The following ATG16L1 variants were observed in gnomAD, a reference collection of about 807,000 sequenced individuals.
ATG16L1 encodes the protein autophagy related 16 like 1, also known as autophagy-related protein 16-1.
Under a neutral mutation model 88.5 loss-of-function variants are expected in ATG16L1, and 37 were observed. The ratio of observed to expected loss-of-function variants is 0.42; its 90% confidence interval spans 0.32 to 0.55. The LOEUF is 0.55. Among genes scored for constraint, ATG16L1 ranks in the 20% least tolerant of loss-of-function variants. The pLI is 0.13. For missense variants in ATG16L1, 554 were observed against 752.8 expected, an observed-to-expected ratio of 0.74 and a Z score of 3.09; for synonymous variants, 301 against 281.0, an observed-to-expected ratio of 1.07 and a Z score of -0.71.
At chr2:233,274,017 A>G (rs960759541) in intron 8 of ATG16L1, 14 of 1,550,858 alleles carry the variant, frequency 9.0e-6, no homozygotes, top group Middle Eastern at 3.3e-4. Context: ...CTTTTGGGAC[A>G]TCATTCTTCT....
At chr2:233,285,048 A>AG (rs1698986954) in intron 12 of ATG16L1, among the ~76,000 whole-genome samples, 1 of 152,222 alleles carries the variant, frequency 6.6e-6, no homozygotes, top group South Asian at 2.1e-4. Context: ...ACTGCTAGAG[A>AG]GCCTGCCATG....
At chr2:233,255,402 C>T (rs1287031829) in intron 1 of ATG16L1, among the ~76,000 whole-genome samples, 1 of 152,216 alleles carries the variant, frequency 6.6e-6, no homozygotes, top group Non-Finnish European at 1.5e-5. Flanking sequence ...TGTGTTCTCT[C>T]ACACGTTAGC....
rs200153637 is a variant in ATG16L1, at chr2:233,293,252, G to A, written c.1629-4G>A. The A allele has an allele frequency of 3.2e-5, 52 of 1,613,660 alleles. 2 individuals are homozygous for A. In the Middle Eastern group the frequency reaches 6.6e-4, roughly 20 times the overall value. ...AACCTTTCTTTTCTTACTGTCTTCT[G>A]TAGCCCTGATGGCAGTTACGTGGCG... On this transcript the variant is annotated splice_polypyrimidine_tract_variant and splice_region_variant and intron_variant, in intron 16 of 17. Transcript: ENST00000392017.
intron 12 of ATG16L1, among the ~76,000 whole-genome samples, chr2:233,285,805 C>A (rs1488922339): frequency 6.6e-6 from 1 of 152,218 alleles, no homozygotes; most frequent in African/African-American, 2.4e-5. Context: ...AACTCACAGA[C>A]ATCCATGCCC....
At chr2:233,266,769 TACAC>T (rs963285331) in intron 5 of ATG16L1, among the ~76,000 whole-genome samples, 1 of 152,204 alleles carries the variant, frequency 6.6e-6, no homozygotes, top group Non-Finnish European at 1.5e-5. Flanking sequence ...AAATGTGCTG[TACAC>T]ACACACAATG....
rs531037459 is a variant in ATG16L1 at position 233,259,905 on chromosome 2, G to A, written c.210-3225G>A. ...TCTTCTTATTCCCAGACTGTGGTGA[G>A]AGCCTCATTCACTCAAAAGACTCCT... On this transcript the variant is annotated intron_variant, in intron 2 of 17. Coordinates refer to ENST00000392017, the MANE Select transcript of ATG16L1 (RefSeq NM_030803.7). Among the ~76,000 whole-genome samples, 3 of 152,266 alleles carry A rather than the reference G, an allele frequency of 2.0e-5. No homozygotes were observed. In the South Asian group the frequency reaches 6.2e-4, roughly 32 times the overall value.
chr2:233,252,593 TC>T, intron 1 of ATG16L1, among the ~76,000 whole-genome samples: 1 of 152,120 alleles, frequency 6.6e-6, no homozygotes, highest in Non-Finnish European at 1.5e-5. Context: ...TCACTGTGTT[TC>T]CCAGGCTGGT....
Position 233,251,719 on chromosome 2 carries a change from C to A in ATG16L1, c.-109C>A. ...GGGACTGCCAGTGTGTGGAGGTGAG[C>A]TCCGGGATTGCCGGCATTCCCGCTT... On this transcript the variant is annotated 5_prime_UTR_variant, in exon 1 of 18. Transcript: ENST00000392017. The A allele has an allele frequency of 2.1e-6, 2 of 974,226 alleles. No homozygotes were observed. Among genetic ancestry groups the A allele is most frequent in the Non-Finnish European group, 1.6e-6 (1 of 635,982 alleles). 60.3% of individuals were successfully genotyped at this position (974,226 alleles called of 1,614,324 possible).
At chr2:233,293,418 CAG>C (rs902154502) in intron 17 of ATG16L1, 61 bp downstream of exon 17, 71 of 1,460,482 alleles carry the variant, frequency 4.9e-5, no homozygotes, top group Non-Finnish European at 6.5e-5. Flanking sequence ...GACTTCATCT[CAG>C]GGGTCATCCG....
At chr2:233,275,095 G>C (rs920209706) in intron 9 of ATG16L1, among the ~76,000 whole-genome samples, 2 of 152,160 alleles carry the variant, frequency 1.3e-5, no homozygotes, top group Admixed American at 6.5e-5. Flanking sequence ...GTCACCAATT[G>C]GCTCCAGTTT....
chr2:233,264,995 G>A lies in ATG16L1; in HGVS notation c.493G>A (p.Glu165Lys), dbSNP rs1414319378. 2 of 1,614,086 alleles carry A rather than the reference G, an allele frequency of 1.2e-6. No homozygotes were observed. The highest frequency in any genetic ancestry group is 8.5e-7 in the Non-Finnish European group (1 of 1,180,036). Residue 165 changes from glutamate to lysine, a missense_variant, in exon 5 of 18, where the codon GAA becomes AAA. Glu to Lys is a moderately conservative substitution (Grantham distance 56). This residue lies in a region of ATG16L1 where 22 missense variants were observed against 54.5 expected (regional missense o/e 0.40). Transcript: ENST00000392017. ...LERANQTLKDEYDALQITFTA... is the reference protein window; with the variant it reads ...LERANQTLKDKYDALQITFTA... The stretch of plus-strand genomic sequence containing the variant: ...AAGAGCCAACCAGACCCTGAAGGAT[G>A]AATATGATGCCCTGCAGATCACTTT...
intron 6 of ATG16L1, among the ~76,000 whole-genome samples, chr2:233,272,506 CTGT>C (rs1209595585): frequency 6.6e-6 from 1 of 152,174 alleles, no homozygotes; most frequent in Non-Finnish European, 1.5e-5. Context: ...TCTCCCTACA[CTGT>C]TGTTTTATAT....
At chr2:233,289,707 T>A (rs1699330384) in intron 12 of ATG16L1, 147 bp from the exon 13 acceptor site, 1 of 1,065,414 alleles carries the variant, frequency 9.4e-7, no homozygotes, top group Admixed American at 2.4e-5. Flanking sequence ...CTTTTTCCTT[T>A]GCTGTCTTAT....
At chr2:233,262,459 A>C (rs1452671846) in intron 2 of ATG16L1, among the ~76,000 whole-genome samples, 1 of 151,600 alleles carries the variant, frequency 6.6e-6, no homozygotes, top group Non-Finnish European at 1.5e-5. Context: ...TCATTTCCCC[A>C]CCTCGTCCTT....
chr2:233,289,973 C>T lies in ATG16L1; in HGVS notation c.1323C>T (p.Val441=). 6.2e-7 allele frequency: 1 copy of T among 1,613,548 alleles called. No homozygotes were observed. Among genetic ancestry groups the T allele is most frequent in the Non-Finnish European group, 8.5e-7 (1 of 1,179,468 alleles). Reference sequence around the variant, plus strand: ...AACTCTGGGATCTACGCAGCAAAGTCTGTGAGGAAATTCAGTCTCTCTGTC... The same window carrying T: ...AACTCTGGGATCTACGCAGCAAAGTTTGTGAGGAAATTCAGTCTCTCTGTC... ...TLKLWDLRSK[V]CIKTVFAGSS... Residue 441 remains valine (V), a splice_region_variant and synonymous_variant, in exon 13 of 18, where the codon GTC becomes GTT. Transcript: ENST00000392017.
chr2:233,290,443 A>C, intron 14 of ATG16L1, 90 bp downstream of exon 14: 1 of 1,040,496 alleles, frequency 9.6e-7, no homozygotes, highest in Non-Finnish European at 1.5e-6. Flanking sequence ...ATCTCAGGAC[A>C]TGGCAGAAAT....
intron 2 of ATG16L1, among the ~76,000 whole-genome samples, chr2:233,257,427 C>A (rs1696870641): frequency 6.6e-6 from 1 of 152,140 alleles, no homozygotes; most frequent in Admixed American, 6.6e-5. Flanking sequence ...TTTTCCCCTT[C>A]AGTTTAGTAT....
intron 17 of ATG16L1, 103 bp downstream of exon 17, chr2:233,293,460 A>G: frequency 9.4e-7 from 1 of 1,064,660 alleles, no homozygotes; most frequent in Non-Finnish European, 1.4e-6. Flanking sequence ...CTGTGAGGGC[A>G]CTGTCCGCCC....
At position 233,289,901 on chromosome 2, in the gene ATG16L1, G is replaced by A. The variant is rs1168972163; in HGVS notation, c.1251G>A (p.Leu417=). 6.2e-7 allele frequency: 1 copy of A among 1,614,198 alleles called. No homozygotes were observed. The highest frequency in any genetic ancestry group is 8.5e-7 in the Non-Finnish European group (1 of 1,180,034). Residue 417 remains leucine, a synonymous_variant, in exon 13 of 18, where the codon CTG becomes CTA. Transcript: ENST00000392017. The part of the protein sequence containing the change: ...HSGKVLSAKF[L]LDNARIVSGS... Reference sequence around the variant, plus strand: ...GGAAAGTGCTGTCTGCTAAGTTCCTGCTGGACAATGCGCGGATTGTCTCAG... The same window carrying A: ...GGAAAGTGCTGTCTGCTAAGTTCCTACTGGACAATGCGCGGATTGTCTCAG...
Sources: allele counts gnomAD v4.1 joint callset (sites outside exome capture counted in the v4.1 genomes callset), GRCh38; gene constraint gnomAD v4.1.1; regional missense constraint gnomAD v4.1.1; transcripts MANE v1.5; gene names NCBI Gene and HGNC (gene_info 2026-07-23, HGNC 2026-07-21).